The following SETD2 variants were observed in gnomAD, a reference collection of about 807,000 sequenced individuals.
SETD2 encodes histone-lysine N-methyltransferase SETD2.
Under a neutral mutation model 242.1 loss-of-function variants are expected in SETD2, and 31 were observed. That is an observed-to-expected ratio of 0.13 (90% CI 0.10 to 0.17). The LOEUF is 0.17. SETD2 is among the 10% of genes least tolerant of loss of function. SETD2 has a pLI of 1.00. For missense variants in SETD2, 2,481 were observed against 3,046.3 expected (o/e 0.81, Z 4.37); for synonymous variants, 1,006 against 1,066.5 (o/e 0.94, Z 1.11).
At chr3:47,097,244 A>G (rs2042045593) in intron 9 of SETD2, among the ~76,000 whole-genome samples, 1 of 152,166 alleles carries the variant, frequency 6.6e-6, no homozygotes, top group African/African-American at 2.4e-5. Context: ...AAAAATGTGC[A>G]TTTTTACTAT....
At chr3:47,072,763 G>T (rs998885624) in intron 12 of SETD2, among the ~76,000 whole-genome samples, 3 of 142,158 alleles carry the variant, frequency 2.1e-5, no homozygotes, top group Non-Finnish European at 3.1e-5. Flanking sequence ...GGCTAACACG[G>T]TGAAACCCTG....
chr3:47,140,753 C>T (rs1193940660), intron 1 of SETD2, among the ~76,000 whole-genome samples: 7 of 152,160 alleles, frequency 4.6e-5, no homozygotes, highest in East Asian at 1.9e-4. Flanking sequence ...CCCAGCTACT[C>T]GGGAGGCTAA....
intron 12 of SETD2, among the ~76,000 whole-genome samples, chr3:47,073,481 T>G (rs1263664533): frequency 6.6e-6 from 1 of 151,996 alleles, no homozygotes; most frequent in East Asian, 1.9e-4. Context: ...GATTAGAAGA[T>G]ACTATACATG....
chr3:47,160,100 C>T (rs374776372), intron 1 of SETD2, among the ~76,000 whole-genome samples: 10 of 152,182 alleles, frequency 6.6e-5, no homozygotes, highest in African/African-American at 1.9e-4. Flanking sequence ...GAAACTATTC[C>T]CTCTTATTGA....
intron 1 of SETD2, among the ~76,000 whole-genome samples, chr3:47,140,115 C>T (rs544148618): frequency 2.5e-4 from 38 of 152,256 alleles, no homozygotes; most frequent in African/African-American, 7.9e-4. Flanking sequence ...TCACTTCTAA[C>T]AAGAAGTGAC....
At chr3:47,062,736 T>C (rs929363896) in intron 13 of SETD2, among the ~76,000 whole-genome samples, 5 of 152,218 alleles carry the variant, frequency 3.3e-5, no homozygotes, top group African/African-American at 1.2e-4. Context: ...ATTTATAATC[T>C]ATAGAAAAGC....
Position 47,121,376 on chromosome 3 carries a change from G to T in SETD2, c.3260C>A (p.Ser1087Tyr), listed in dbSNP as rs1260151759. 6.2e-7 allele frequency: 1 copy of T among 1,609,824 alleles called. No individual in the cohort carries two copies. Among genetic ancestry groups the T allele is most frequent in the Admixed American group, 1.7e-5 (1 of 60,016 alleles). Residue 1087 changes from serine to tyrosine, a missense_variant, in exon 3 of 21, where the codon TCT becomes TAT. Ser to Tyr is a moderately radical substitution (Grantham distance 144). This residue lies in a region of SETD2 where 1,300 missense variants were observed against 1,259.2 expected (regional missense o/e 1.03). Coordinates refer to ENST00000409792, the MANE Select transcript of SETD2 (RefSeq NM_014159.7). ...TLPMEETSPCSSRSSQSYRHY... is the reference protein window; with the variant it reads ...TLPMEETSPCYSRSSQSYRHY... The stretch of plus-strand genomic sequence containing the variant: ...TCTATAACTTTGACTGCTCCGAGAA[G>T]AACAAGGACTTGTTTCTTCCATGGG...
At chr3:47,041,904 A>C (rs1419776095) in intron 17 of SETD2, among the ~76,000 whole-genome samples, 1 of 152,248 alleles carries the variant, frequency 6.6e-6, no homozygotes, top group African/African-American at 2.4e-5. Context: ...AGCAGAGTTG[A>C]GTAGCTATGA....
intron 9 of SETD2, among the ~76,000 whole-genome samples, chr3:47,095,345 A>G (rs1185381080): frequency 1.3e-5 from 2 of 152,152 alleles, no homozygotes; most frequent in African/African-American, 4.8e-5. Context: ...CATGTTGGCC[A>G]GGCTGGTCTT....
chr3:47,155,951 A>G, intron 1 of SETD2, among the ~76,000 whole-genome samples: 1 of 152,020 alleles, frequency 6.6e-6, no homozygotes, highest in East Asian at 1.9e-4. Context: ...AATAGTTCTT[A>G]GTGTATTACA....
At chr3:47,153,805 TA>T (rs2044058080) in intron 1 of SETD2, among the ~76,000 whole-genome samples, 1 of 151,858 alleles carries the variant, frequency 6.6e-6, no homozygotes. Context: ...GTTTCCTTTT[TA>T]AAAGAAACAA....
chr3:47,117,581 A>G (rs892343254), intron 3 of SETD2, among the ~76,000 whole-genome samples: 7 of 152,230 alleles, frequency 4.6e-5, no homozygotes, highest in African/African-American at 1.7e-4. Context: ...TTCTAAAAAA[A>G]TAAGAGTGAG....
chr3:47,106,150 T>TC, intron 5 of SETD2, 30 bp from the exon 6 acceptor site: 1 of 1,601,950 alleles, frequency 6.2e-7, no homozygotes, highest in South Asian at 1.1e-5. Flanking sequence ...AAATAGCACT[T>TC]CCTACCTAGG....
intron 5 of SETD2, among the ~76,000 whole-genome samples, chr3:47,106,516 A>AC (rs2042429620): frequency 7.0e-6 from 1 of 143,872 alleles, no homozygotes; most frequent in South Asian, 2.2e-4. Flanking sequence ...AAAAAAAAAA[A>AC]AAAAAAAAAA....
chr3:47,142,448 G>A (rs1156670589), intron 1 of SETD2, among the ~76,000 whole-genome samples: 1 of 152,122 alleles, frequency 6.6e-6, no homozygotes, highest in Non-Finnish European at 1.5e-5. Context: ...GGCCAAGGGT[G>A]CAGTGAGATG....
chr3:47,129,404 T>C (rs565951273), intron 1 of SETD2, among the ~76,000 whole-genome samples: 2 of 152,382 alleles, frequency 1.3e-5, no homozygotes, highest in South Asian at 4.1e-4. Context: ...CAGAGCTTTC[T>C]GCACTCGTTT....
intron 12 of SETD2, among the ~76,000 whole-genome samples, chr3:47,069,032 A>T (rs2040697753): frequency 6.6e-6 from 1 of 152,016 alleles, no homozygotes; most frequent in Non-Finnish European, 1.5e-5. Flanking sequence ...TGACCTCATG[A>T]TCTGCCCACC....
rs2107739980 is a variant in SETD2, at chr3:47,120,295, G to A, written c.4341C>T (p.Pro1447=). 2 of 1,613,742 alleles carry A rather than the reference G, an allele frequency of 1.2e-6. No homozygotes were observed. The highest frequency in any genetic ancestry group is 2.2e-5 in the South Asian group (2 of 91,016). ...SVPPGSALVG[P]SCVMDDFRDP... ...CCCTGAAGTCATCCATGACACAGGA[G>A]GGCCCAACCAGTGCTGAACCTGGGG... The change falls in exon 3 of 21, where the codon CCC becomes CCT. Residue 1447 remains proline, a synonymous_variant. Transcript: ENST00000409792.
chr3:47,089,485 G>C (rs1294733108), intron 9 of SETD2, among the ~76,000 whole-genome samples: 2 of 152,152 alleles, frequency 1.3e-5, no homozygotes, highest in African/African-American at 4.8e-5. Flanking sequence ...ATGTACAACA[G>C]TGGTAACCTC....
Sources: allele counts gnomAD v4.1 joint callset (sites outside exome capture counted in the v4.1 genomes callset), GRCh38; gene constraint gnomAD v4.1.1; regional missense constraint gnomAD v4.1.1; transcripts MANE v1.5; gene names NCBI Gene and HGNC (gene_info 2026-07-23, HGNC 2026-07-21).